The following ZMYND11 variants were observed in gnomAD, a reference collection of about 807,000 sequenced individuals.
ZMYND11 encodes the protein zinc finger MYND-type containing 11.
Under a neutral mutation model 84.9 loss-of-function variants are expected in ZMYND11, and 9 were observed. The ratio of observed to expected loss-of-function variants is 0.11; its 90% CI spans 0.06 to 0.18. The LOEUF (loss-of-function observed/expected upper bound fraction) is 0.18, where lower values mean the gene tolerates loss of function less well. ZMYND11 is among the 10% of genes least tolerant of loss of function. The probability of loss-of-function intolerance (pLI) is 1.00; values close to 1 mark genes in which losing one functional copy is unlikely to be tolerated. For missense variants in ZMYND11, 409 were observed against 761.0 expected (o/e 0.54, Z 5.44); for synonymous variants, 250 against 244.1 (o/e 1.02, Z -0.23).
intron 3 of ZMYND11, among the ~76,000 whole-genome samples, chr10:213,518 A>G (rs1306020825): frequency 6.6e-6 from 1 of 152,220 alleles, no homozygotes; most frequent in Non-Finnish European, 1.5e-5. Flanking sequence ...GTTTTTGGTT[A>G]TCTATTTTTA....
intron 10 of ZMYND11, among the ~76,000 whole-genome samples, chr10:242,432 A>G (rs1251355043): frequency 6.6e-6 from 1 of 152,182 alleles, no homozygotes; most frequent in African/African-American, 2.4e-5. Context: ...TCCATTCCAT[A>G]ATATGGTAAT....
At chr10:183,431 C>T (rs1848296175) in intron 2 of ZMYND11, among the ~76,000 whole-genome samples, 1 of 152,100 alleles carries the variant, frequency 6.6e-6, no homozygotes, top group Non-Finnish European at 1.5e-5. Flanking sequence ...ACCATCAGGA[C>T]ACACATGATG....
chr10:199,197 AC>A (rs1411056480), intron 2 of ZMYND11, among the ~76,000 whole-genome samples: 1 of 151,862 alleles, frequency 6.6e-6, no homozygotes, highest in Admixed American at 6.6e-5. Context: ...GATCTGAACA[AC>A]CCAATAAATT....
chr10:145,489 G>A lies in ZMYND11; in HGVS notation c.-20+9930G>A, dbSNP rs1838601319. ...AACGTCCGTGCCGTTTTCTGTAGAG[G>A]TTGTACTAATTTACATTACTATACA... On this transcript the variant is annotated intron_variant, in intron 1 of 14. Transcript: ENST00000381604. Among the ~76,000 whole-genome samples the A allele has an allele frequency of 2.0e-5, 3 of 152,188 alleles. No homozygotes were observed. The Middle Eastern group carries it at 0.01, about 518-fold the overall frequency.
intron 1 of ZMYND11, among the ~76,000 whole-genome samples, chr10:149,658 T>G (rs1839840160): frequency 6.6e-6 from 1 of 152,228 alleles, no homozygotes; most frequent in African/African-American, 2.4e-5. Context: ...TAATAATATT[T>G]GCATATTAAA....
upstream of ZMYND11, among the ~76,000 whole-genome samples, chr10:131,031 C>T (rs373111003): frequency 6.6e-6 from 1 of 152,088 alleles, no homozygotes; most frequent in Non-Finnish European, 1.5e-5. Flanking sequence ...GTGGGAGGAT[C>T]GCTTGAGCCC....
At chr10:223,433 G>A (rs1319581535) in intron 4 of ZMYND11, among the ~76,000 whole-genome samples, 2 of 152,050 alleles carry the variant, frequency 1.3e-5, no homozygotes, top group African/African-American at 4.8e-5. Flanking sequence ...ATTCTGTTCT[G>A]TTCTTCTCTT....
intron 1 of ZMYND11, among the ~76,000 whole-genome samples, chr10:176,433 A>G (rs1305307833): frequency 6.6e-6 from 1 of 152,142 alleles, no homozygotes; most frequent in Non-Finnish European, 1.5e-5. Flanking sequence ...TGATGTCTCA[A>G]TCTTTGATAA....
intron 12 of ZMYND11, among the ~76,000 whole-genome samples, chr10:247,999 T>G (rs931376357): frequency 1.3e-5 from 2 of 152,178 alleles, no homozygotes; most frequent in African/African-American, 4.8e-5. Context: ...AATTATAAGT[T>G]GACAATAATT....
intron 2 of ZMYND11, among the ~76,000 whole-genome samples, chr10:191,479 G>A (rs565613042): frequency 6.6e-6 from 1 of 152,296 alleles, no homozygotes; most frequent in Admixed American, 6.5e-5. Flanking sequence ...GGCTATCAGG[G>A]TAAATTATTT....
chr10:174,596 C>G (rs2131693225), intron 1 of ZMYND11, among the ~76,000 whole-genome samples: 1 of 151,504 alleles, frequency 6.6e-6, no homozygotes, highest in Non-Finnish European at 1.5e-5. Flanking sequence ...ATACATTGGT[C>G]AAAACCCATG....
At chr10:211,296 ATC>A (rs549023971) in intron 3 of ZMYND11, among the ~76,000 whole-genome samples, 189 of 152,192 alleles carry the variant, frequency 1.2e-3, no homozygotes, top group African/African-American at 4.2e-3. Context: ...TCAAAAATCT[ATC>A]TCTTTCTATA....
chr10:194,605 G>A (rs1044383918), intron 2 of ZMYND11, among the ~76,000 whole-genome samples: 3 of 152,084 alleles, frequency 2.0e-5, no homozygotes, highest in Non-Finnish European at 4.4e-5. Context: ...TTAAAAGTTC[G>A]AGTCATTCCG....
intron 2 of ZMYND11, among the ~76,000 whole-genome samples, chr10:180,714 T>G (rs1313939068): frequency 6.6e-6 from 1 of 152,240 alleles, no homozygotes; most frequent in African/African-American, 2.4e-5. Context: ...ATTCTTTTAT[T>G]AAAAACACCT....
intron 10 of ZMYND11, among the ~76,000 whole-genome samples, chr10:242,457 C>T (rs1183958337): frequency 1.3e-5 from 2 of 152,006 alleles, no homozygotes; most frequent in Admixed American, 6.6e-5. Context: ...TTACCATTAC[C>T]ATATTCACAG....
intron 2 of ZMYND11, among the ~76,000 whole-genome samples, chr10:202,566 G>A (rs2436025): frequency 6.6e-6 from 1 of 152,002 alleles, no homozygotes; most frequent in East Asian, 1.9e-4. Context: ...TCCTTTGTTA[G>A]ATTCTCAAGG....
chr10:192,942 A>G (rs1940823900), intron 2 of ZMYND11, among the ~76,000 whole-genome samples: 1 of 151,986 alleles, frequency 6.6e-6, no homozygotes, highest in Admixed American at 6.5e-5. Flanking sequence ...TAATTCCCTT[A>G]TAGGTTTTAT....
chr10:218,246 T>C (rs1420026793), intron 3 of ZMYND11, among the ~76,000 whole-genome samples: 1 of 152,222 alleles, frequency 6.6e-6, no homozygotes, highest in Non-Finnish European at 1.5e-5. Context: ...CAACTAGTAA[T>C]GACTCTTATG....
At chr10:232,771 T>C (rs1339173297) in intron 4 of ZMYND11, among the ~76,000 whole-genome samples, 7 of 152,250 alleles carry the variant, frequency 4.6e-5, no homozygotes, top group African/African-American at 1.4e-4. Context: ...GCCCAAATCA[T>C]TGACGTTTCT....
Sources: gnomAD v4.1 joint callset for allele counts (sites outside exome capture counted in the v4.1 genomes callset) on GRCh38, gnomAD v4.1.1 for gene constraint, MANE v1.5 for transcripts, NCBI Gene and HGNC (gene_info 2026-07-23, HGNC 2026-07-21) for gene names.